The following IQCH variants were observed in gnomAD, a reference collection of about 807,000 sequenced individuals.
IQCH encodes the protein IQ domain-containing protein H.
In IQCH, 98 loss-of-function variants were observed where a neutral mutation model predicts 117.0. The ratio of observed to expected loss-of-function variants is 0.84; its 90% confidence interval spans 0.71 to 0.99. The LOEUF is 0.99. IQCH is among the 50% of genes least tolerant of loss of function. The pLI, the probability that IQCH is intolerant of heterozygous loss-of-function variation, is 0.00. For missense variants in IQCH, 1,102 were observed against 1,243.8 expected (o/e 0.89, Z 1.72); for synonymous variants, 412 against 448.2 (o/e 0.92, Z 1.02).
At chr15:67,497,887 CT>C (rs2083866818) in intron 20 of IQCH, among the ~76,000 whole-genome samples, 2 of 152,154 alleles carry the variant, frequency 1.3e-5, no homozygotes, top group Admixed American at 1.3e-4. Flanking sequence ...GAAAGACAGT[CT>C]GTATTCATCC....
Position 67,413,455 on chromosome 15 carries a change from T to A in IQCH, c.2098-3476T>A, listed in dbSNP as rs2081500466. 6.6e-6 allele frequency: 1 copy of A among 152,142 alleles called. No homozygotes were observed. The highest frequency in any genetic ancestry group is 1.5e-5 in the Non-Finnish European group (1 of 68,030). 9.4% of individuals were successfully genotyped at this position (152,142 alleles called of 1,614,324 possible). A position where few individuals can be genotyped will look rare whatever the true frequency, so the allele number is the denominator to read the frequency against. On this transcript the variant is annotated intron_variant, in intron 14 of 20. Transcript: ENST00000335894. This position sits in a 1 kb window ranked among gnomAD's most constrained non-coding sequence, Gnocchi z 5.0. ...GTAAAGGGTTGTTTTGTTGGGGGGA[T>A]AAAATAAAATGAAGCTTTTACCAAG... is the stretch of plus-strand genomic sequence containing the variant.
intron 5 of IQCH, 23 bp from the exon 6 acceptor site, chr15:67,344,039 CA>C: frequency 6.2e-7 from 1 of 1,604,172 alleles, no homozygotes. Flanking sequence ...ATTAAACTCA[CA>C]TTTTATTAAT....
rs1355832193 is a variant in IQCH, at chr15:67,404,413, G to C, written c.2097+4108G>C. ...AGGTCACAGGAGCCATTGCAGGATG[G>C]CAGAGCTCGTTGTCCCGTCTAGAAT... is the stretch of plus-strand genomic sequence containing the variant. On this transcript the variant is annotated intron_variant, in intron 14 of 20. Coordinates refer to ENST00000335894, the MANE Select transcript of IQCH (RefSeq NM_001031715.3). This position sits in a 1 kb window ranked among gnomAD's most constrained non-coding sequence, Gnocchi z 4.6. 2.0e-5 allele frequency: 3 copies of C among 152,134 alleles called. No homozygotes were observed. The highest frequency in any genetic ancestry group is 2.9e-5 in the Non-Finnish European group (2 of 68,028). 9.4% of individuals were successfully genotyped at this position (152,134 alleles called of 1,614,324 possible).
intron 3 of IQCH, among the ~76,000 whole-genome samples, chr15:67,275,217 G>A (rs1966073084): frequency 6.6e-6 from 1 of 152,206 alleles, no homozygotes; most frequent in South Asian, 2.1e-4. Context: ...GGAACCCAAG[G>A]TGATAGGGAA....
intron 12 of IQCH, among the ~76,000 whole-genome samples, chr15:67,392,324 T>C (rs1020175000): frequency 1.3e-5 from 2 of 152,172 alleles, no homozygotes; most frequent in Non-Finnish European, 1.5e-5. Flanking sequence ...TTTACATGTC[T>C]TCATTGGAAT....
intron 6 of IQCH, among the ~76,000 whole-genome samples, chr15:67,353,379 AGACAGAGTCTCACTC>A (rs985265726): frequency 1.4e-5 from 2 of 140,826 alleles, no homozygotes; most frequent in African/African-American, 5.3e-5. Flanking sequence ...TTTTTTTTTG[AGACAGAGTCTCACTC>A]TGTAGCACAA....
At chr15:67,487,943 A>T (rs931080467) in intron 18 of IQCH, among the ~76,000 whole-genome samples, 1 of 151,958 alleles carries the variant, frequency 6.6e-6, no homozygotes, top group South Asian at 2.1e-4. Flanking sequence ...TTACAAGATA[A>T]TTTTCAAAGG....
At chr15:67,434,566 C>T (rs957431466) in intron 16 of IQCH, among the ~76,000 whole-genome samples, 3 of 152,124 alleles carry the variant, frequency 2.0e-5, no homozygotes, top group African/African-American at 2.4e-5. Flanking sequence ...GCAATGGACA[C>T]GGCAGTGCAG....
intron 6 of IQCH, among the ~76,000 whole-genome samples, chr15:67,351,246 C>T (rs1969647753): frequency 6.6e-6 from 1 of 152,056 alleles, no homozygotes; most frequent in African/African-American, 2.4e-5. Flanking sequence ...CTGCTTCCCC[C>T]CACCCCCCAA....
At chr15:67,280,397 A>G (rs915464310) in intron 4 of IQCH, among the ~76,000 whole-genome samples, 1 of 152,246 alleles carries the variant, frequency 6.6e-6, no homozygotes, top group Non-Finnish European at 1.5e-5. Flanking sequence ...GGCTTAAACA[A>G]CAGAATTCTA....
chr15:67,305,515 GT>G (rs1417163719), intron 4 of IQCH, among the ~76,000 whole-genome samples: 1 of 152,084 alleles, frequency 6.6e-6, no homozygotes, highest in Non-Finnish European at 1.5e-5. Context: ...TGTGAATAAT[GT>G]GAAAGGGTTT....
In IQCH at chr15:67,390,085, C is replaced by T. The variant is rs765340251; in HGVS notation, c.1632+1079C>T. ...TCTGCTCAGTTTTGTTTCATTGGCA[C>T]TTCTGACTGTGAAAGAGGAAGGTAA... On this transcript the variant is annotated intron_variant, in intron 12 of 20. Transcript: ENST00000335894. This position sits in a 1 kb window ranked among gnomAD's most constrained non-coding sequence, Gnocchi z 5.0. Among the ~76,000 whole-genome samples the T allele has an allele frequency of 2.6e-5, 4 of 152,114 alleles. No homozygotes were observed. Among genetic ancestry groups the T allele is most frequent in the Non-Finnish European group, 5.9e-5 (4 of 68,016 alleles).
chr15:67,434,383 C>CATTCAT (rs1434582153), intron 16 of IQCH, among the ~76,000 whole-genome samples: 3 of 152,294 alleles, frequency 2.0e-5, no homozygotes, highest in Admixed American at 6.5e-5. Context: ...CCTCCAGGTT[C>CATTCAT]ATTCATATTG....
chr15:67,379,973 C>T (rs1369477220), intron 10 of IQCH, among the ~76,000 whole-genome samples: 2 of 152,180 alleles, frequency 1.3e-5, no homozygotes, highest in Admixed American at 6.5e-5. Flanking sequence ...CTGCCTCAGC[C>T]TCCCAAGTAG....
At chr15:67,316,277 C>T (rs979556802) in intron 4 of IQCH, among the ~76,000 whole-genome samples, 3 of 152,180 alleles carry the variant, frequency 2.0e-5, no homozygotes, top group African/African-American at 4.8e-5. Flanking sequence ...GTAGCATTGT[C>T]TTCTCCACTC....
Position 67,287,770 on chromosome 15 carries a change from T to C in IQCH, c.387+8258T>C, listed in dbSNP as rs556397290. On this transcript the variant is annotated intron_variant, in intron 4 of 20. Coordinates refer to ENST00000335894, the MANE Select transcript of IQCH (RefSeq NM_001031715.3). Reference sequence around the variant, plus strand: ...GCTCTGATCTTTATTATTTCTTTTCTTCTGCTAATTTTGGGTTTGGTTTTC... The same window carrying C: ...GCTCTGATCTTTATTATTTCTTTTCCTCTGCTAATTTTGGGTTTGGTTTTC... 2.2e-4 allele frequency among the ~76,000 whole-genome samples: 33 copies of C among 152,176 alleles called. No homozygotes were observed. In the East Asian group the frequency reaches 6.0e-3, roughly 28 times the overall value.
intron 16 of IQCH, among the ~76,000 whole-genome samples, chr15:67,448,615 AG>A (rs1437046482): frequency 6.6e-6 from 1 of 151,968 alleles, no homozygotes; most frequent in African/African-American, 2.4e-5. Context: ...TTCTTAATCC[AG>A]TCTATCGTTG....
At chr15:67,279,885 C>A (rs949594972) in intron 4 of IQCH, among the ~76,000 whole-genome samples, 1 of 151,812 alleles carries the variant, frequency 6.6e-6, no homozygotes, top group African/African-American at 2.4e-5. Context: ...GCCTGGTACT[C>A]GCCTGGTACT....
intron 17 of IQCH, among the ~76,000 whole-genome samples, chr15:67,470,041 G>A (rs934097565): frequency 9.9e-5 from 15 of 152,222 alleles, no homozygotes; most frequent in African/African-American, 2.9e-4. Context: ...CCTGTGTGAC[G>A]AGGTTGTCTC....
Sources: gnomAD v4.1 joint callset for allele counts (sites outside exome capture counted in the v4.1 genomes callset) on GRCh38, gnomAD v4.1.1 for gene constraint, Gnocchi (gnomAD v3.1) non-coding constraint, MANE v1.5 for transcripts, NCBI Gene and HGNC (gene_info 2026-07-23, HGNC 2026-07-21) for gene names.